Variants in STK32B observed in about 807,000 individuals in gnomAD.
STK32B encodes the protein serine/threonine-protein kinase 32B.
A neutral mutation model predicts 52.6 loss-of-function variants in STK32B; 43 were observed. That is an observed-to-expected ratio of 0.82 (90% CI 0.64 to 1.05). The LOEUF (loss-of-function observed/expected upper bound fraction) is 1.05. STK32B is among the 50% of genes least tolerant of loss of function. STK32B has a pLI of 0.00. For missense variants in STK32B, 621 were observed against 534.6 expected, an observed-to-expected ratio of 1.16 and a Z score of -1.59; for synonymous variants, 238 against 204.3, an observed-to-expected ratio of 1.17 and a Z score of -1.41.
chr4:5,355,089 A>T (rs1460576867), intron 4 of STK32B, among the ~76,000 whole-genome samples: 8 of 152,266 alleles, frequency 5.3e-5, no homozygotes, highest in Non-Finnish European at 1.5e-5. Context: ...CTCCAGATAC[A>T]TTTTGTTGTT....
intron 3 of STK32B, among the ~76,000 whole-genome samples, chr4:5,192,834 GTAAC>G (rs1036260239): frequency 2.6e-5 from 4 of 152,156 alleles, no homozygotes; most frequent in East Asian, 3.9e-4. Context: ...GCCGCCTCCT[GTAAC>G]TAACAGTTTA....
chr4:5,039,444 G>A, the STK32B span, among the ~76,000 whole-genome samples: 1 of 152,156 alleles, frequency 6.6e-6, no homozygotes, highest in African/African-American at 2.4e-5. Context: ...TCCACATCTT[G>A]CTCACTGGAC....
At chr4:5,094,470 T>C (rs983858678) in intron 1 of STK32B, among the ~76,000 whole-genome samples, 5 of 152,062 alleles carry the variant, frequency 3.3e-5, no homozygotes, top group Non-Finnish European at 7.4e-5. Flanking sequence ...TTGAGCAATA[T>C]AGCCAGATAT....
At chr4:5,075,365 A>T (rs2108770601) in intron 1 of STK32B, among the ~76,000 whole-genome samples, 1 of 152,282 alleles carries the variant, frequency 6.6e-6, no homozygotes, top group East Asian at 1.9e-4. Flanking sequence ...AGGTTTTATT[A>T]ATGTCCATGA....
intron 4 of STK32B, among the ~76,000 whole-genome samples, chr4:5,376,244 C>T (rs1735576836): frequency 6.6e-6 from 1 of 152,228 alleles, no homozygotes; most frequent in South Asian, 2.1e-4. Flanking sequence ...AGGAGTTCCT[C>T]CTTTGTCCCT....
At chr4:5,232,902 T>G (rs531166462) in intron 3 of STK32B, among the ~76,000 whole-genome samples, 128 of 152,016 alleles carry the variant, frequency 8.4e-4, no homozygotes, top group African/African-American at 2.8e-3. Context: ...AGAATGGGAT[T>G]GAGGCACTTA....
In STK32B at chr4:5,274,268, T is replaced by A. The variant is rs576409704; in HGVS notation, c.261-56952T>A. On this transcript the variant is annotated intron_variant, in intron 3 of 11. Coordinates refer to ENST00000282908, the MANE Select transcript of STK32B (RefSeq NM_018401.3). The stretch of plus-strand genomic sequence containing the variant: ...ACACAGTAATCAAGACAGTGTAGTA[T>A]TGGTGCCGAGACACACAAATAGATC... Among the ~76,000 whole-genome samples the A allele has an allele frequency of 9.7e-4, 147 of 152,322 alleles. 1 individual carries two copies. Among genetic ancestry groups the A allele is most frequent in the African/African-American group, 3.4e-3 (141 of 41,574 alleles).
intron 2 of STK32B, 57 bp downstream of exon 2, chr4:5,140,017 C>T: frequency 6.2e-7 from 1 of 1,600,320 alleles, no homozygotes; most frequent in Non-Finnish European, 8.6e-7. Context: ...ATTTGTGTGT[C>T]TGTGTGTTGG....
intron 11 of STK32B, among the ~76,000 whole-genome samples, chr4:5,483,528 C>A (rs1354078495): frequency 1.3e-5 from 2 of 152,032 alleles, no homozygotes; most frequent in African/African-American, 4.8e-5. Context: ...TTGACCTTTT[C>A]CAAAAACCAG....
intron 3 of STK32B, among the ~76,000 whole-genome samples, chr4:5,307,324 T>C (rs540727833): frequency 6.6e-6 from 1 of 152,144 alleles, no homozygotes; most frequent in Non-Finnish European, 1.5e-5. Context: ...TTGGAGGCTT[T>C]GTTCATTTTT....
chr4:5,166,137 A>T (rs1292022621), intron 2 of STK32B, among the ~76,000 whole-genome samples: 1 of 152,076 alleles, frequency 6.6e-6, no homozygotes, highest in African/African-American at 2.4e-5. Flanking sequence ...TTTCCAACAG[A>T]AGAGAGGCTG....
chr4:5,460,279 C>T lies in STK32B; in HGVS notation c.909+51C>T, dbSNP rs1432865373. The T allele has an allele frequency of 7.0e-6, 11 of 1,566,324 alleles. No homozygotes were observed. Among genetic ancestry groups the T allele is most frequent in the Non-Finnish European group, 9.5e-6 (11 of 1,156,534 alleles). Reference sequence around the variant, plus strand: ...ATGCCACCCCTCTGCAGGGTCCCCGCCTTGGTGCAAAGCAAGACTTTGGCA... The same window carrying T: ...ATGCCACCCCTCTGCAGGGTCCCCGTCTTGGTGCAAAGCAAGACTTTGGCA... On this transcript the variant is annotated intron_variant, in intron 9 of 11. Coordinates refer to ENST00000282908, the MANE Select transcript of STK32B (RefSeq NM_018401.3). This position sits in a 1 kb window ranked among gnomAD's most constrained non-coding sequence, Gnocchi z 4.8.
chr4:5,219,056 G>T (rs1723359503), intron 3 of STK32B, among the ~76,000 whole-genome samples: 1 of 152,228 alleles, frequency 6.6e-6, no homozygotes, highest in Non-Finnish European at 1.5e-5. Context: ...GTCCATTGAT[G>T]GTGGACCTCA....
chr4:5,324,538 G>C (rs1577349688), intron 3 of STK32B, among the ~76,000 whole-genome samples: 1 of 152,166 alleles, frequency 6.6e-6, no homozygotes, highest in Non-Finnish European at 1.5e-5. Flanking sequence ...CCTCAGCACT[G>C]TTGCCATTTT....
chr4:5,072,540 G>A (rs1335169749), intron 1 of STK32B, among the ~76,000 whole-genome samples: 1 of 152,062 alleles, frequency 6.6e-6, no homozygotes, highest in African/African-American at 2.4e-5. Context: ...CCAAGACACT[G>A]AGAAATCTAG....
chr4:5,168,465 A>G lies in STK32B; in HGVS notation c.260+15A>G. ...GTCAATCTGTGGTGAGTGTGGCTCC[A>G]TCCAGGGCTCCTGTGGGTTCCCCTG... On this transcript the variant is annotated intron_variant, in intron 3 of 11. Coordinates refer to ENST00000282908, the MANE Select transcript of STK32B (RefSeq NM_018401.3). The G allele has an allele frequency of 1.9e-6, 3 of 1,605,708 alleles. No individual in the cohort carries two copies. Among genetic ancestry groups the G allele is most frequent in the Non-Finnish European group, 2.6e-6 (3 of 1,175,002 alleles).
chr4:5,483,093 T>C, intron 11 of STK32B, among the ~76,000 whole-genome samples: 1 of 152,120 alleles, frequency 6.6e-6, no homozygotes, highest in Non-Finnish European at 1.5e-5. Context: ...AGGATGATGC[T>C]GGACTCATAA....
At chr4:5,210,005 T>G (rs1431678574) in intron 3 of STK32B, among the ~76,000 whole-genome samples, 1 of 152,182 alleles carries the variant, frequency 6.6e-6, no homozygotes, top group Non-Finnish European at 1.5e-5. Context: ...AACTGCCTGA[T>G]TTGGATGTAA....
At chr4:5,446,247 A>T (rs1352800697) in intron 6 of STK32B, among the ~76,000 whole-genome samples, 3 of 152,210 alleles carry the variant, frequency 2.0e-5, no homozygotes. Context: ...ATAGTGAAAA[A>T]AGTACAGGTT....
Sources: gnomAD v4.1 joint callset for allele counts (sites outside exome capture counted in the v4.1 genomes callset) on GRCh38, gnomAD v4.1.1 for gene constraint, Gnocchi (gnomAD v3.1) non-coding constraint, MANE v1.5 for transcripts, NCBI Gene and HGNC (gene_info 2026-07-23, HGNC 2026-07-21) for gene names.